The following SIAE variants were observed in gnomAD, a reference collection of about 807,000 sequenced individuals.
SIAE encodes the protein sialate O-acetylesterase.
SIAE carries 39 observed loss-of-function variants against 52.6 expected under a neutral mutation model. The ratio of observed to expected loss-of-function variants is 0.74; its 90% CI spans 0.57 to 0.97. SIAE has a LOEUF of 0.97. SIAE is among the 50% of genes least tolerant of loss of function. The pLI, the probability that SIAE is intolerant of heterozygous loss-of-function variation, is 0.00. For synonymous variants in SIAE, 233 were observed against 241.4 expected (o/e 0.97, Z 0.32); for missense variants, 592 against 662.1 (o/e 0.89, Z 1.16).
upstream of SIAE, chr11:124,675,237 G>C (rs756798240): frequency 3.0e-5 from 48 of 1,599,688 alleles, no homozygotes; most frequent in Non-Finnish European, 3.7e-5. Context: ...TGAATCTTTA[G>C]GTTCCATAGG....
chr11:124,663,996 A>C (rs1468216585), intron 2 of SIAE, among the ~76,000 whole-genome samples: 1 of 152,130 alleles, frequency 6.6e-6, no homozygotes, highest in Non-Finnish European at 1.5e-5. Flanking sequence ...GGTTTCTGTA[A>C]ATTCTCACTT....
At chr11:124,660,955 T>C (rs1485607592) in intron 2 of SIAE, 152 bp from the exon 3 acceptor site, 1 of 794,508 alleles carries the variant, frequency 1.3e-6, no homozygotes, top group Non-Finnish European at 2.1e-6. Flanking sequence ...AGGATAGAAC[T>C]AACACGAGCA....
rs1942745487 is a variant in SIAE at position 124,636,557 on chromosome 11, A to AAAG, written c.*391_*393dup. On this transcript the variant is annotated 3_prime_UTR_variant, in exon 10 of 10. Transcript: ENST00000263593. ...AGTACTTGGATGGGAGAAATTTTAT[A>AAAG]AAGAACACATGAACACTAGCTGGCC... The AAAG allele has an allele frequency of 3.6e-6, 1 of 281,470 alleles. No individual in the cohort carries two copies. Among genetic ancestry groups the AAAG allele is most frequent in the Non-Finnish European group, 6.9e-6 (1 of 145,446 alleles). 17.4% of individuals were successfully genotyped at this position (281,470 alleles called of 1,614,324 possible).
chr11:124,659,093 A>G (rs924268671), intron 3 of SIAE: 2 of 152,238 alleles, frequency 1.3e-5, no homozygotes, highest in Non-Finnish European at 2.9e-5. Flanking sequence ...CTTTATACAG[A>G]AGATGCTCAG....
chr11:124,654,157 G>A (rs1943059771), intron 4 of SIAE: 5 of 911,102 alleles, frequency 5.5e-6, no homozygotes, highest in Admixed American at 1.2e-4. Flanking sequence ...CAGCCTGAGC[G>A]ACAGACTGAG....
rs1448241178 is a variant in SIAE, at chr11:124,647,358, A to G, written c.966+7T>C. On this transcript the variant is annotated splice_region_variant and intron_variant, in intron 7 of 9. Coordinates refer to ENST00000263593, the MANE Select transcript of SIAE (RefSeq NM_170601.5). ...CATGAACAGAGAAGCCTTTACCCAC[A>G]TCGTACCTGGACAAGTCCAAATGGG... The G allele has an allele frequency of 1.2e-6, 2 of 1,614,124 alleles. No homozygotes were observed. The highest frequency in any genetic ancestry group is 1.1e-5 in the South Asian group (1 of 91,072).
chr11:124,639,325 C>T (rs557372790), intron 8 of SIAE, among the ~76,000 whole-genome samples: 1 of 152,150 alleles, frequency 6.6e-6, no homozygotes, highest in Non-Finnish European at 1.5e-5. Flanking sequence ...TGAAGTTAAC[C>T]GTAGCCTTAT....
chr11:124,652,660 C>T (rs1222826940), intron 4 of SIAE, among the ~76,000 whole-genome samples: 1 of 146,544 alleles, frequency 6.8e-6, no homozygotes, highest in Non-Finnish European at 1.5e-5. Context: ...CATCACTGCA[C>T]TCTAGCCTGG....
At chr11:124,664,863 G>A (rs73624535) in intron 2 of SIAE, among the ~76,000 whole-genome samples, 2,549 of 137,128 alleles carry the variant, frequency 0.019, 80 homozygotes, top group African/African-American at 0.067. Context: ...TGAAAAAAGC[G>A]CCCCTGTTCA....
intron 6 of SIAE, 82 bp from the exon 7 acceptor site, chr11:124,647,580 C>T (rs965813906): frequency 6.5e-7 from 1 of 1,537,278 alleles, no homozygotes; most frequent in East Asian, 2.3e-5. Context: ...TCCATCCATG[C>T]CCTGAGGTAG....
intron 4 of SIAE, among the ~76,000 whole-genome samples, chr11:124,653,807 G>A (rs1196159705): frequency 6.6e-6 from 1 of 152,250 alleles, no homozygotes; most frequent in Non-Finnish European, 1.5e-5. Flanking sequence ...GCTAAGCTCA[G>A]AGAGCAGGGA....
chr11:124,656,865 G>C (rs1943108895), intron 3 of SIAE, among the ~76,000 whole-genome samples: 1 of 152,168 alleles, frequency 6.6e-6, no homozygotes, highest in Non-Finnish European at 1.5e-5. Context: ...GCAGTGAGAG[G>C]CACAGGAGGC....
intron 2 of SIAE, among the ~76,000 whole-genome samples, chr11:124,663,270 C>T (rs1943217934): frequency 6.6e-6 from 1 of 152,002 alleles, no homozygotes; most frequent in African/African-American, 2.4e-5. Context: ...AACTCAGAGA[C>T]AGTTCATTTA....
At position 124,656,958 on chromosome 11, in the gene SIAE, G is replaced by A. The variant is rs78987775; in HGVS notation, c.406-2165C>T. 9.2e-3 allele frequency among the ~76,000 whole-genome samples: 1,309 copies of A among 142,736 alleles called. 22 individuals carry two copies. The East Asian group carries it at 0.11, about 12-fold the overall frequency. The allele number at this position is 142,736 out of a possible 152,430, so 93.6% of individuals were successfully genotyped here. A position where few individuals can be genotyped will look rare whatever the true frequency, so the allele number is the denominator to read the frequency against. ...CCACCCACCCACCACAGAGAATACA[G>A]CTGGCCCTCCAGCCACAGCGTAAGA... On this transcript the variant is annotated intron_variant, in intron 3 of 9. Transcript: ENST00000263593.
chr11:124,660,151 A>G (rs932121844), intron 3 of SIAE: 4 of 213,792 alleles, frequency 1.9e-5, no homozygotes, highest in Admixed American at 1.1e-4. Context: ...TTAGCCAGGC[A>G]TAGTGGCAGA....
In SIAE at chr11:124,649,600, C is replaced by G; in HGVS notation, c.722+19G>C. ...ATTCCCTGGTAGGCTCTTTCTCAGA[C>G]TGGAGAATGCTGTCTTACCCTTGTT... On this transcript the variant is annotated intron_variant, in intron 5 of 9. Coordinates refer to ENST00000263593, the MANE Select transcript of SIAE (RefSeq NM_170601.5). 1 of 1,613,500 alleles carries G rather than the reference C, an allele frequency of 6.2e-7. No homozygotes were observed. The highest frequency in any genetic ancestry group is 8.5e-7 in the Non-Finnish European group (1 of 1,179,906).
chr11:124,669,577 T>C (rs1452108438), intron 1 of SIAE, 56 bp from the exon 2 acceptor site: 6 of 1,484,540 alleles, frequency 4.0e-6, no homozygotes, highest in Non-Finnish European at 4.7e-6. Context: ...TAGCACCAAC[T>C]GGATCAAGTG....
Position 124,654,702 on chromosome 11 carries a change from A to G in SIAE, c.497T>C (p.Leu166Pro). The change falls in exon 4 of 10, where the codon CTG becomes CCG. Residue 166 changes from leucine to proline, a missense_variant. Transcript: ENST00000263593. ...SVSPIQAEQE[L>P]EDLVAVDLQW... ...CAAGTCAACCGCAACAAGGTCCTCC[A>G]GCTCCTGCTCTGCTTGAATGGGAGA... is the stretch of plus-strand genomic sequence containing the variant. 1 of 1,614,220 alleles carries G rather than the reference A, an allele frequency of 6.2e-7. No homozygotes were observed. The highest frequency in any genetic ancestry group is 8.5e-7 in the Non-Finnish European group (1 of 1,180,044).
At chr11:124,637,292 G>T in intron 9 of SIAE, 90 bp from the exon 10 acceptor site, 2 of 1,571,640 alleles carry the variant, frequency 1.3e-6, no homozygotes, top group Non-Finnish European at 1.7e-6. Context: ...ATGGATGGGA[G>T]GAAAGGAGAC....
Sources: gnomAD v4.1 joint callset for allele counts (sites outside exome capture counted in the v4.1 genomes callset) on GRCh38, gnomAD v4.1.1 for gene constraint, MANE v1.5 for transcripts, NCBI Gene and HGNC (gene_info 2026-07-23, HGNC 2026-07-21) for gene names.